KLHDC8A: variants seen among roughly 807,000 people sequenced by gnomAD.
KLHDC8A encodes kelch domain-containing protein 8A.
KLHDC8A carries 21 observed loss-of-function variants against 33.1 expected under a neutral mutation model. That is an observed-to-expected ratio of 0.64 (90% CI 0.45 to 0.91). KLHDC8A has a LOEUF of 0.91. Among genes scored for constraint, KLHDC8A ranks in the 40% least tolerant of loss-of-function variants. The pLI is 0.00. For missense variants in KLHDC8A, 435 were observed against 483.3 expected, an observed-to-expected ratio of 0.90 and a Z score of 0.94; for synonymous variants, 173 against 193.5, an observed-to-expected ratio of 0.89 and a Z score of 0.88.
intron 1 of KLHDC8A, 60 bp from the exon 2 acceptor site, chr1:205,343,853 C>A (rs1218029217): frequency 2.3e-5 from 11 of 486,162 alleles, no homozygotes; most frequent in Non-Finnish European, 4.0e-5. Context: ...CGGCGGGCAG[C>A]GGATGGGCTC....
Position 205,340,123 on chromosome 1 carries a change from T to A in KLHDC8A, c.377-315A>T, listed in dbSNP as rs563182117. On this transcript the variant is annotated intron_variant, in intron 2 of 5. Coordinates refer to ENST00000367155, the MANE Select transcript of KLHDC8A (RefSeq NM_018203.3). ...TTGACCTCCTGGGCTCAAGAGATCTTCCCATCTCAGCCTCCCAAGTAGCTG... is the reference window on the plus strand; with the variant it reads ...TTGACCTCCTGGGCTCAAGAGATCTACCCATCTCAGCCTCCCAAGTAGCTG... Among the ~76,000 whole-genome samples the A allele has an allele frequency of 7.9e-5, 12 of 152,248 alleles. No individual in the cohort carries two copies. The East Asian group carries it at 2.3e-3, about 29-fold the overall frequency.
chr1:205,352,192 T>G (rs1218445724), intron 1 of KLHDC8A, among the ~76,000 whole-genome samples: 1 of 152,142 alleles, frequency 6.6e-6, no homozygotes, highest in African/African-American at 2.4e-5. Flanking sequence ...GCAGCCTTGT[T>G]GTCCATCCCA....
chr1:205,347,275 G>A (rs1048990327), intron 1 of KLHDC8A, among the ~76,000 whole-genome samples: 3 of 152,200 alleles, frequency 2.0e-5, no homozygotes, highest in Admixed American at 2.0e-4. Context: ...GAGGGAGAGT[G>A]TCCAGTGACT....
chr1:205,345,358 C>A lies in KLHDC8A; in HGVS notation c.-189-1565G>T, dbSNP rs115574082. 4.2e-3 allele frequency among the ~76,000 whole-genome samples: 635 copies of A among 152,236 alleles called. 6 individuals are homozygous for A. Among genetic ancestry groups the A allele is most frequent in the African/African-American group, 0.015 (603 of 41,534 alleles). ...CAGCTGTAAGAAAAAATACCCTTTACCCAGTTTCTCCCAATGGCAACATCT... is the reference window on the plus strand; with the variant it reads ...CAGCTGTAAGAAAAAATACCCTTTAACCAGTTTCTCCCAATGGCAACATCT... On this transcript the variant is annotated intron_variant, in intron 1 of 5. Coordinates refer to ENST00000367155, the MANE Select transcript of KLHDC8A (RefSeq NM_018203.3).
intron 1 of KLHDC8A, among the ~76,000 whole-genome samples, chr1:205,349,385 G>A (rs1663032941): frequency 6.6e-6 from 1 of 152,160 alleles, no homozygotes; most frequent in Non-Finnish European, 1.5e-5. Flanking sequence ...GCCTTAGTGG[G>A]TATCCATTAA....
chr1:205,356,639 G>A lies in KLHDC8A; in HGVS notation c.-296C>T. On this transcript the variant is annotated 5_prime_UTR_variant, in exon 1 of 6. Coordinates refer to ENST00000367155, the MANE Select transcript of KLHDC8A (RefSeq NM_018203.3). ...GGTGTTGGCTCTGAGGCTTGTCCTA[G>A]GAGCTGGCTGGGAATAGAGTCGGCA... 2.2e-6 allele frequency: 1 copy of A among 454,966 alleles called. No individual in the cohort carries two copies. The highest frequency in any genetic ancestry group is 1.6e-5 in the South Asian group (1 of 64,390). 28.2% of individuals were successfully genotyped at this position (454,966 alleles called of 1,614,324 possible). A position where few individuals can be genotyped will look rare whatever the true frequency, so the allele number is the denominator to read the frequency against.
chr1:205,352,598 G>A (rs574067343), intron 1 of KLHDC8A, among the ~76,000 whole-genome samples: 3 of 152,346 alleles, frequency 2.0e-5, no homozygotes, highest in East Asian at 1.9e-4. Flanking sequence ...GCGGGGACGC[G>A]TGATGAGCTG....
At position 205,337,418 on chromosome 1, in the gene KLHDC8A, A is replaced by T; in HGVS notation, c.1034T>A (p.Leu345Gln). 1 of 1,613,250 alleles carries T rather than the reference A, an allele frequency of 6.2e-7. No individual in the cohort carries two copies. Among genetic ancestry groups the T allele is most frequent in the Non-Finnish European group, 8.5e-7 (1 of 1,179,844 alleles). ...AGACAGCTAGGAGTCAGAGACACAC[A>T]GGGCCTCCACTGCGTCACTCAGACC... ...NQGLSDAVEA[L>Q]CVSDS Residue 345 changes from leucine (L) to glutamine (Q), a missense_variant, in exon 6 of 6, where the codon CTG (leucine) becomes CAG (glutamine). Leu to Gln is a moderately radical substitution (Grantham distance 113). Coordinates refer to ENST00000367155, the MANE Select transcript of KLHDC8A (RefSeq NM_018203.3).
At position 205,337,560 on chromosome 1, in the gene KLHDC8A, C is replaced by T. The variant is rs751998610; in HGVS notation, c.892G>A (p.Ala298Thr). ...CATTTGTTCTTCCCTGGGTGGAATGCTTCCGCCGTCTCCAGGACAGTGGGT... is the reference window on the plus strand; with the variant it reads ...CATTTGTTCTTCCCTGGGTGGAATGTTTCCGCCGTCTCCAGGACAGTGGGT... ...NQPTVLETAEAFHPGKNKWEI... is the reference protein window; with the variant it reads ...NQPTVLETAETFHPGKNKWEI... Residue 298 changes from alanine to threonine, a missense_variant, in exon 6 of 6, where the codon GCA becomes ACA. Physicochemically the swap from Ala to Thr is moderately conservative, Grantham distance 58. Transcript: ENST00000367155. 6.2e-7 allele frequency: 1 copy of T among 1,613,494 alleles called. No individual in the cohort carries two copies. The highest frequency in any genetic ancestry group is 1.1e-5 in the South Asian group (1 of 90,998).
chr1:205,348,642 A>C (rs889828929), intron 1 of KLHDC8A: 2 of 152,208 alleles, frequency 1.3e-5, no homozygotes, highest in Non-Finnish European at 2.9e-5. Context: ...AGGAGGAAGG[A>C]GATGCCAGGC....
Position 205,339,294 on chromosome 1 carries a change from G to A in KLHDC8A, c.657C>T (p.Thr219=). Residue 219 remains threonine, a synonymous_variant, in exon 4 of 6, where the codon ACC becomes ACT. Coordinates refer to ENST00000367155, the MANE Select transcript of KLHDC8A (RefSeq NM_018203.3). This position sits in a 1 kb window ranked among gnomAD's most constrained non-coding sequence, Gnocchi z 5.1. The part of the protein sequence containing the change: ...PYKRAFSSFV[T]LDNHLYSLGG... ...CTAGGCTGTACAAGTGGTTGTCCAG[G>A]GTCACAAAGCTGGAGAAGGCCCGCT... 6.2e-7 allele frequency: 1 copy of A among 1,614,166 alleles called. No homozygotes were observed. The highest frequency in any genetic ancestry group is 2.2e-5 in the East Asian group (1 of 44,872).
rs761638290 is a variant in KLHDC8A at position 205,343,646 on chromosome 1, C to A, written c.-42G>T. On this transcript the variant is annotated 5_prime_UTR_variant, in exon 2 of 6. Transcript: ENST00000367155. ...GCCCGGGCGCCGGGAGAGGTGCGAG[C>A]GCGGGGGTCCACCGGCTACTTGGCG... 1 of 1,519,876 alleles carries A rather than the reference C, an allele frequency of 6.6e-7. No homozygotes were observed. The highest frequency in any genetic ancestry group is 8.8e-7 in the Non-Finnish European group (1 of 1,134,662). The allele number at this position is 1,519,876 out of a possible 1,614,324, so 94.1% of individuals were successfully genotyped here. A position where few individuals can be genotyped will look rare whatever the true frequency, so the allele number is the denominator to read the frequency against.
intron 1 of KLHDC8A, among the ~76,000 whole-genome samples, chr1:205,347,366 T>C (rs1010562040): frequency 1.3e-5 from 2 of 152,222 alleles, no homozygotes; most frequent in African/African-American, 4.8e-5. Context: ...ATCTAAATCC[T>C]TCTTGCTCTA....
At chr1:205,345,943 G>A (rs1178769061) in intron 1 of KLHDC8A, among the ~76,000 whole-genome samples, 1 of 152,144 alleles carries the variant, frequency 6.6e-6, no homozygotes, top group East Asian at 1.9e-4. Context: ...GTGCCGTGAT[G>A]CATGCCTGTA....
intron 1 of KLHDC8A, among the ~76,000 whole-genome samples, chr1:205,355,660 A>G (rs1217723351): frequency 6.6e-6 from 1 of 152,172 alleles, no homozygotes. Context: ...TAGCCTATAA[A>G]GTAGGTACTA....
rs752432619 is a variant in KLHDC8A, at chr1:205,338,594, C to A, written c.760G>T (p.Gly254Ter). The change falls in exon 5 of 6, where the codon GGA becomes TGA. Residue 254 changes from glycine (G) to a stop codon, truncating the protein, a stop_gained and splice_region_variant. Transcript: ENST00000367155. LOFTEE classifies it high-confidence loss of function. ...TMDVFDMEQGGWLKMERSFFL... is the reference protein window; with the variant it reads ...TMDVFDMEQG The stretch of plus-strand genomic sequence containing the variant: ...AACGATCGTTCCATCTTCAGCCATC[C>A]CCCTATAGGCCATGGATAATGGTGG... The A allele has an allele frequency of 2.5e-6, 4 of 1,613,434 alleles. No individual in the cohort carries two copies. The highest frequency in any genetic ancestry group is 3.4e-6 in the Non-Finnish European group (4 of 1,179,414).
At chr1:205,342,033 C>T (rs1268175620) in intron 2 of KLHDC8A, among the ~76,000 whole-genome samples, 1 of 152,218 alleles carries the variant, frequency 6.6e-6, no homozygotes, top group African/African-American at 2.4e-5. Flanking sequence ...GCCTGGCACA[C>T]AGGCATGTAA....
At chr1:205,346,899 G>C (rs1397054698) in intron 1 of KLHDC8A, among the ~76,000 whole-genome samples, 1 of 152,218 alleles carries the variant, frequency 6.6e-6, no homozygotes, top group Non-Finnish European at 1.5e-5. Flanking sequence ...GTGCCAGGCA[G>C]TGCAGGTAAG....
In KLHDC8A at chr1:205,339,715, G is replaced by A. The variant is rs1315858659; in HGVS notation, c.470C>T (p.Ser157Phe). 1 of 1,614,000 alleles carries A rather than the reference G, an allele frequency of 6.2e-7. No individual in the cohort carries two copies. Among genetic ancestry groups the A allele is most frequent in the South Asian group, 1.1e-5 (1 of 91,076 alleles). ...HYDMLKDMWV[S>F]LAPMPTPRYA... Reference sequence around the variant, plus strand: ...TCTCGGGGTGGGCATGGGTGCTAGGGACACCCACATGTCCTTCAGCATGTC... The same window carrying A: ...TCTCGGGGTGGGCATGGGTGCTAGGAACACCCACATGTCCTTCAGCATGTC... The change falls in exon 3 of 6, where the codon TCC becomes TTC. Residue 157 changes from serine to phenylalanine, a missense_variant. Coordinates refer to ENST00000367155, the MANE Select transcript of KLHDC8A (RefSeq NM_018203.3). This position sits in a 1 kb window ranked among gnomAD's most constrained non-coding sequence, Gnocchi z 5.1.
Sources: gnomAD v4.1 joint callset for allele counts (sites outside exome capture counted in the v4.1 genomes callset) on GRCh38, gnomAD v4.1.1 for gene constraint, Gnocchi (gnomAD v3.1) non-coding constraint, MANE v1.5 for transcripts, NCBI Gene and HGNC (gene_info 2026-07-23, HGNC 2026-07-21) for gene names.